Variants in MAT2B observed in about 807,000 individuals in gnomAD.
The protein encoded by MAT2B is methionine adenosyltransferase 2 non-catalytic beta subunit.
A neutral mutation model predicts 36.1 loss-of-function variants in MAT2B; 16 were observed. The ratio of observed to expected loss-of-function variants is 0.44; its 90% confidence interval spans 0.30 to 0.67. The LOEUF (loss-of-function observed/expected upper bound fraction) is 0.67, where lower values mean the gene tolerates loss of function less well. MAT2B is among the 30% of genes least tolerant of loss of function. The pLI is 0.09. For synonymous variants in MAT2B, 148 were observed against 136.9 expected (o/e 1.08, Z -0.57); for missense variants, 332 against 398.2 (o/e 0.83, Z 1.42).
At chr5:163,514,496 A>G (rs1186915726) in intron 4 of MAT2B, among the ~76,000 whole-genome samples, 1 of 152,252 alleles carries the variant, frequency 6.6e-6, no homozygotes, top group African/African-American at 2.4e-5. Context: ...ATGTAAAATT[A>G]CTAAGAACAA....
At position 163,517,570 on chromosome 5, in the gene MAT2B, A is replaced by G. The variant is rs369683567; in HGVS notation, c.730A>G (p.Ile244Val). Residue 244 changes from isoleucine (I) to valine (V), a missense_variant, in exon 6 of 7, where the codon ATT (isoleucine) becomes GTT (valine). Transcript: ENST00000321757. ...GTGTCATCGTTCTTAGGATCCATCA[A>G]TTAAGGGAACCTTTCACTGGTCTGG... ...LAEKRMLDPSIKGTFHWSGNE... is the reference protein window; with the variant it reads ...LAEKRMLDPSVKGTFHWSGNE... The G allele has an allele frequency of 2.4e-5, 38 of 1,604,322 alleles. No homozygotes were observed. The African/African-American group carries it at 2.8e-4, about 12-fold the overall frequency.
upstream of MAT2B, chr5:163,505,423 A>G: frequency 1.3e-6 from 1 of 777,458 alleles, no homozygotes; most frequent in Non-Finnish European, 1.7e-6. Context: ...TTCACTGCCT[A>G]AGGTCAGGGC....
At chr5:163,505,804 A>AGCCACCGGGGCGC in intron 1 of MAT2B, 55 bp downstream of exon 1, 1 of 1,232,632 alleles carries the variant, frequency 8.1e-7, no homozygotes, top group Non-Finnish European at 1.0e-6. Flanking sequence ...GAGGGGGACG[A>AGCCACCGGGGCGC]GCCACCGGGG....
intron 3 of MAT2B, 48 bp from the exon 4 acceptor site, chr5:163,513,794 G>A (rs1442087558): frequency 1.3e-6 from 2 of 1,563,602 alleles, no homozygotes; most frequent in Non-Finnish European, 1.7e-6. Context: ...TTCCATGAAA[G>A]AGTAATGTCA....
intron 2 of MAT2B, 87 bp downstream of exon 2, chr5:163,512,283 T>G: frequency 8.5e-7 from 1 of 1,175,000 alleles, no homozygotes; most frequent in Non-Finnish European, 1.3e-6. Context: ...CTCAAGGAAA[T>G]TACTATGTTT....
chr5:163,510,590 T>C (rs561535167), intron 1 of MAT2B, among the ~76,000 whole-genome samples: 19 of 152,084 alleles, frequency 1.2e-4, no homozygotes, highest in Admixed American at 1.2e-3. Flanking sequence ...AGAGATGGGG[T>C]TTCACCATGT....
At chr5:163,507,283 G>C (rs911462073) in intron 1 of MAT2B, among the ~76,000 whole-genome samples, 1 of 152,198 alleles carries the variant, frequency 6.6e-6, no homozygotes, top group South Asian at 2.1e-4. Context: ...CACTGTCCCA[G>C]AGTACTGTGT....
At chr5:163,503,951 A>G (rs147551894), upstream of MAT2B, among the ~76,000 whole-genome samples, 815 of 152,292 alleles carry the variant, frequency 5.4e-3, 5 homozygotes, top group Admixed American at 8.1e-3. Context: ...ACTGTACCCA[A>G]CTTTTACGGG....
At position 163,519,297 on chromosome 5, in the gene MAT2B, A is replaced by T. The variant is rs886607098; in HGVS notation, c.*934A>T. The T allele has an allele frequency of 6.6e-6, 1 of 151,126 alleles. No individual in the cohort carries two copies. Among genetic ancestry groups the T allele is most frequent in the Non-Finnish European group, 1.5e-5 (1 of 67,472 alleles). The allele number at this position is 151,126 out of a possible 1,614,324, so 9.4% of individuals were successfully genotyped here. ...TACAAAAGAATATAGTTTAATATGT[A>T]TTGAAATAAAACACAATAAAATTAA... On this transcript the variant is annotated 3_prime_UTR_variant, in exon 7 of 7. Transcript: ENST00000321757.
At chr5:163,512,230 C>G in intron 2 of MAT2B, 34 bp downstream of exon 2, 1 of 1,508,538 alleles carries the variant, frequency 6.6e-7, no homozygotes. Flanking sequence ...TATACATGAA[C>G]AATATTAAGA....
chr5:163,514,023 T>G (rs530016066), intron 4 of MAT2B, 29 bp downstream of exon 4: 1 of 1,573,640 alleles, frequency 6.4e-7, no homozygotes, highest in South Asian at 1.2e-5. Flanking sequence ...AGCCCCTGAT[T>G]GTTTTTGAAG....
At chr5:163,517,832 G>C (rs1760156818) in intron 6 of MAT2B, 158 bp downstream of exon 6, 1 of 545,836 alleles carries the variant, frequency 1.8e-6, no homozygotes, top group Non-Finnish European at 3.3e-6. Flanking sequence ...CTGTAGAGAA[G>C]ATCATGAGTA....
At chr5:163,503,360 T>G, upstream of MAT2B, 4 of 1,610,374 alleles carry the variant, frequency 2.5e-6, no homozygotes, top group South Asian at 4.4e-5. Flanking sequence ...CTAAGACCCA[T>G]CCCGTATCTG....
chr5:163,516,494 T>C, intron 4 of MAT2B, 24 bp from the exon 5 acceptor site: 1 of 1,596,168 alleles, frequency 6.3e-7, no homozygotes, highest in Non-Finnish European at 8.6e-7. Flanking sequence ...CAGCTTTAAA[T>C]TATTTGCTTT....
At chr5:163,503,654 C>A (rs943756765), upstream of MAT2B, among the ~76,000 whole-genome samples, 1 of 152,166 alleles carries the variant, frequency 6.6e-6, no homozygotes, top group Non-Finnish European at 1.5e-5. Context: ...GCTGACAATA[C>A]AGAATTGCAC....
chr5:163,512,103 A>C lies in MAT2B; in HGVS notation c.165A>C (p.Ala55=). 6.2e-7 allele frequency: 1 copy of C among 1,614,194 alleles called. No individual in the cohort carries two copies. The highest frequency in any genetic ancestry group is 2.2e-5 in the East Asian group (1 of 44,890). Residue 55 remains alanine (A), a synonymous_variant, in exon 2 of 7, where the codon GCA becomes GCC. Coordinates refer to ENST00000321757, the MANE Select transcript of MAT2B (RefSeq NM_013283.5). The part of the protein sequence containing the change: ...HKEFQQNNWH[A]VGCGFRRARP... The stretch of plus-strand genomic sequence containing the variant: ...AATTTCAGCAGAATAATTGGCATGC[A>C]GTTGGCTGTGGTTTCAGAAGAGCAA...
chr5:163,511,078 A>G (rs988065595), intron 1 of MAT2B, among the ~76,000 whole-genome samples: 4 of 152,192 alleles, frequency 2.6e-5, no homozygotes, highest in Admixed American at 2.0e-4. Context: ...GAAGAATGTA[A>G]TGTTGTTATT....
Position 163,518,575 on chromosome 5 carries a change from T to G in MAT2B, c.*212T>G, listed in dbSNP as rs1760170767. The G allele has an allele frequency of 5.2e-6, 2 of 381,798 alleles. No homozygotes were observed. The highest frequency in any genetic ancestry group is 9.2e-6 in the Non-Finnish European group (2 of 216,248). The allele number at this position is 381,798 out of a possible 1,614,324, so 23.7% of individuals were successfully genotyped here. On this transcript the variant is annotated 3_prime_UTR_variant, in exon 7 of 7. Coordinates refer to ENST00000321757, the MANE Select transcript of MAT2B (RefSeq NM_013283.5). ...AGTAATTTTTCTTTTTATCATTTTG[T>G]TTGTCCTGGCTAAACTTGGAGTTTG...
intron 1 of MAT2B, among the ~76,000 whole-genome samples, chr5:163,506,723 T>G (rs1041430739): frequency 6.6e-6 from 1 of 152,220 alleles, no homozygotes; most frequent in Non-Finnish European, 1.5e-5. Context: ...CCGTGCTGAG[T>G]GCATGTTACA....
Sources: gnomAD v4.1 joint callset for allele counts (sites outside exome capture counted in the v4.1 genomes callset) on GRCh38, gnomAD v4.1.1 for gene constraint, MANE v1.5 for transcripts, NCBI Gene and HGNC (gene_info 2026-07-23, HGNC 2026-07-21) for gene names.